Variants in SLIT2 observed in about 807,000 individuals in gnomAD.
SLIT2 encodes the protein slit guidance ligand 2, also known as slit homolog 2 protein.
A neutral mutation model predicts 185.7 loss-of-function variants in SLIT2; 41 were observed. That is an observed-to-expected ratio of 0.22 (90% CI 0.17 to 0.29). The LOEUF (loss-of-function observed/expected upper bound fraction) is 0.29. SLIT2 is among the 10% of genes least tolerant of loss of function. SLIT2 has a pLI of 1.00. For synonymous variants in SLIT2, 693 were observed against 680.2 expected, an observed-to-expected ratio of 1.02 and a Z score of -0.29; for missense variants, 1,571 against 1,909.0, an observed-to-expected ratio of 0.82 and a Z score of 3.30.
At chr4:20,521,076 C>T (rs1720797820) in intron 12 of SLIT2, among the ~76,000 whole-genome samples, 3 of 152,226 alleles carry the variant, frequency 2.0e-5, no homozygotes, top group East Asian at 1.9e-4. Context: ...CCTAGACTTA[C>T]TCTCCATGCC....
intron 4 of SLIT2, among the ~76,000 whole-genome samples, chr4:20,386,891 G>T (rs1221278930): frequency 6.6e-6 from 1 of 152,122 alleles, no homozygotes. Flanking sequence ...TGAACCACGG[G>T]GTATGTGGTG....
At chr4:20,273,303 C>T (rs1024858008) in intron 4 of SLIT2, among the ~76,000 whole-genome samples, 3 of 151,644 alleles carry the variant, frequency 2.0e-5, no homozygotes, top group Admixed American at 6.6e-5. Flanking sequence ...TATCTCACTA[C>T]GCAGATATAG....
At chr4:20,437,942 A>G (rs1171889583) in intron 4 of SLIT2, among the ~76,000 whole-genome samples, 1 of 151,712 alleles carries the variant, frequency 6.6e-6, no homozygotes, top group African/African-American at 2.4e-5. Flanking sequence ...AAAAAGTAAA[A>G]ACTAAGAGTT....
chr4:20,509,839 A>G (rs1719548088), intron 9 of SLIT2, among the ~76,000 whole-genome samples: 1 of 152,206 alleles, frequency 6.6e-6, no homozygotes, highest in African/African-American at 2.4e-5. Context: ...TTAGTATACC[A>G]TAAAAATACT....
At position 20,518,239 on chromosome 4, in the gene SLIT2, G is replaced by GTGTGTA. The variant is rs777543992; in HGVS notation, c.1059-1142_1059-1141insGTGTAT. Among the ~76,000 whole-genome samples the GTGTGTA allele has an allele frequency of 1.2e-4, 10 of 85,250 alleles. 1 individual carries two copies. In the South Asian group the frequency reaches 2.0e-3, roughly 17 times the overall value. 55.9% of individuals were successfully genotyped at this position (85,250 alleles called of 152,430 possible). On this transcript the variant is annotated intron_variant, in intron 11 of 36. Transcript: ENST00000504154. ...TATATATACATATATATGTGTGTGT[G>GTGTGTA]TATATATATATATATATTTTTTTTT...
In SLIT2 at chr4:20,573,326, A is replaced by G; in HGVS notation, c.3088+4322A>G. 3 of 702,818 alleles carry G rather than the reference A, an allele frequency of 4.3e-6. No homozygotes were observed. In the South Asian group the frequency reaches 4.4e-5, roughly 10 times the overall value. 43.5% of individuals were successfully genotyped at this position (702,818 alleles called of 1,614,324 possible). A position where few individuals can be genotyped will look rare whatever the true frequency, so the allele number is the denominator to read the frequency against. On this transcript the variant is annotated intron_variant, in intron 29 of 36. Transcript: ENST00000504154. ...CTCCCTCTTTCTTGTAAAGTTACATAGATTTCACTGCGGGTACACAGTAAA... is the reference window on the plus strand; with the variant it reads ...CTCCCTCTTTCTTGTAAAGTTACATGGATTTCACTGCGGGTACACAGTAAA...
At chr4:20,542,658 T>C (rs752238187) in intron 21 of SLIT2, 32 bp downstream of exon 21, 15 of 1,606,896 alleles carry the variant, frequency 9.3e-6, no homozygotes, top group Non-Finnish European at 9.4e-6. Context: ...TTTCTTTTCT[T>C]TTTCCTTGAT....
intron 4 of SLIT2, among the ~76,000 whole-genome samples, chr4:20,344,098 C>T (rs1203776799): frequency 1.3e-5 from 2 of 152,148 alleles, no homozygotes; most frequent in African/African-American, 4.8e-5. Flanking sequence ...ATCCACTCAC[C>T]TCGGACTCCC....
At chr4:20,573,206 T>C (rs1415411960) in intron 29 of SLIT2, 1 of 702,964 alleles carries the variant, frequency 1.4e-6, no homozygotes, top group Non-Finnish European at 2.6e-6. Flanking sequence ...AAAAAGTCTT[T>C]TGTCTCTTCT....
At chr4:20,291,474 ATATATATATATATATATATTTTTTTTTT>A (rs1362281473) in intron 4 of SLIT2, among the ~76,000 whole-genome samples, 57 of 12,056 alleles carry the variant, frequency 4.7e-3, no homozygotes, top group South Asian at 0.012. Context: ...ATATATATAT[ATATATATATATATATATATTTTTTTTTT>A]TTTTTTTTTT....
chr4:20,317,040 TA>T (rs35721562), intron 4 of SLIT2, among the ~76,000 whole-genome samples: 309 of 145,894 alleles, frequency 2.1e-3, no homozygotes, highest in African/African-American at 3.7e-3. Flanking sequence ...TTTGAAAGAT[TA>T]AAAAAAAAAA....
intron 4 of SLIT2, among the ~76,000 whole-genome samples, chr4:20,276,650 G>GA (rs915387417): frequency 4.6e-5 from 7 of 152,082 alleles, no homozygotes; most frequent in African/African-American, 1.7e-4. Context: ...AACAGAATTG[G>GA]AAAAAATAGC....
At chr4:20,398,215 A>G (rs1726070929) in intron 4 of SLIT2, among the ~76,000 whole-genome samples, 1 of 151,840 alleles carries the variant, frequency 6.6e-6, no homozygotes, top group Admixed American at 6.6e-5. Context: ...CATAGAAAAA[A>G]CTGAAGGAAC....
At position 20,511,568 on chromosome 4, in the gene SLIT2, CT is replaced by C. The variant is rs1719720730; in HGVS notation, c.1058+432del. 2.2e-5 allele frequency among the ~76,000 whole-genome samples: 3 copies of C among 133,340 alleles called. No individual in the cohort carries two copies. In the South Asian group the frequency reaches 7.1e-4, roughly 32 times the overall value. 87.5% of individuals were successfully genotyped at this position (133,340 alleles called of 152,430 possible). ...TCCCGGTAGCTGGGACTACAGGCGC[CT>C]GCCACCACATCCAGCTAATTTTTTT... On this transcript the variant is annotated intron_variant, in intron 11 of 36. Transcript: ENST00000504154.
chr4:20,511,396 C>T (rs1260809295), intron 11 of SLIT2, among the ~76,000 whole-genome samples: 2 of 150,154 alleles, frequency 1.3e-5, no homozygotes, highest in Non-Finnish European at 3.0e-5. Flanking sequence ...GAGTTAGATC[C>T]CCTTTTTGAC....
chr4:20,371,226 G>A lies in SLIT2; in HGVS notation c.396-96526G>A, dbSNP rs144678022. 5.2e-3 allele frequency among the ~76,000 whole-genome samples: 787 copies of A among 151,870 alleles called. 10 individuals are homozygous for A. Among genetic ancestry groups the A allele is most frequent in the African/African-American group, 0.018 (733 of 41,418 alleles). ...TAATGCACCAACACACATTCTCACA[G>A]TCACACATGCACATGTTCTCACACA... On this transcript the variant is annotated intron_variant, in intron 4 of 36. Coordinates refer to ENST00000504154, the MANE Select transcript of SLIT2 (RefSeq NM_004787.4).
At chr4:20,361,737 A>G (rs1173599365) in intron 4 of SLIT2, among the ~76,000 whole-genome samples, 4 of 152,012 alleles carry the variant, frequency 2.6e-5, no homozygotes, top group Admixed American at 6.6e-5. Context: ...CATAAAAACA[A>G]TTTTGCATAA....
At chr4:20,425,735 A>G (rs1728512505) in intron 4 of SLIT2, among the ~76,000 whole-genome samples, 1 of 152,222 alleles carries the variant, frequency 6.6e-6, no homozygotes, top group South Asian at 2.1e-4. Flanking sequence ...AGTCTTTCAA[A>G]TATCCAAAAA....
At chr4:20,457,486 G>A (rs574615265) in intron 4 of SLIT2, among the ~76,000 whole-genome samples, 2 of 152,044 alleles carry the variant, frequency 1.3e-5, no homozygotes, top group East Asian at 1.9e-4. Flanking sequence ...AAGAAAAAAT[G>A]TATAGATACT....
Sources: allele counts gnomAD v4.1 joint callset (sites outside exome capture counted in the v4.1 genomes callset), GRCh38; gene constraint gnomAD v4.1.1; transcripts MANE v1.5; gene names NCBI Gene and HGNC (gene_info 2026-07-23, HGNC 2026-07-21).